GGA1: variants seen among roughly 807,000 people sequenced by gnomAD.
GGA1 encodes ADP-ribosylation factor-binding protein GGA1.
GGA1 carries 18 observed loss-of-function variants against 76.9 expected under a neutral mutation model. The ratio of observed to expected loss-of-function variants is 0.23; its 90% CI spans 0.16 to 0.35. The LOEUF (loss-of-function observed/expected upper bound fraction) is 0.35, where lower values mean the gene tolerates loss of function less well. Among genes scored for constraint, GGA1 ranks in the 10% least tolerant of loss-of-function variants. The probability of loss-of-function intolerance (pLI) is 1.00; values close to 1 mark genes in which losing one functional copy is unlikely to be tolerated. For missense variants in GGA1, 755 were observed against 859.0 expected (o/e 0.88, Z 1.51); for synonymous variants, 342 against 354.7 (o/e 0.96, Z 0.40).
intron 1 of GGA1, among the ~76,000 whole-genome samples, chr22:37,611,626 CAT>C (rs1252677051): frequency 6.6e-6 from 1 of 152,180 alleles, no homozygotes; most frequent in African/African-American, 2.4e-5. Context: ...CCTGCCATAA[CAT>C]ATGGCCCAGG....
chr22:37,627,832 C>T (rs945821054), intron 11 of GGA1, among the ~76,000 whole-genome samples: 1 of 152,224 alleles, frequency 6.6e-6, no homozygotes, highest in Non-Finnish European at 1.5e-5. Flanking sequence ...TGGGGCCACA[C>T]AGGGGGCTGG....
chr22:37,623,259 A>G lies in GGA1; in HGVS notation c.610-68A>G. 1 of 1,435,170 alleles carries G rather than the reference A, an allele frequency of 7.0e-7. No homozygotes were observed. Among genetic ancestry groups the G allele is most frequent in the Non-Finnish European group, 9.8e-7 (1 of 1,018,618 alleles). The allele number at this position is 1,435,170 out of a possible 1,614,324, so 88.9% of individuals were successfully genotyped here. On this transcript the variant is annotated intron_variant, in intron 7 of 16. Coordinates refer to ENST00000343632, the MANE Select transcript of GGA1 (RefSeq NM_013365.5). The surrounding 1 kb of genome is among the most constrained non-coding windows in gnomAD (Gnocchi z 4.6). Reference sequence around the variant, plus strand: ...CCCAGATCCCAGCACACATTCTCTCAAGTGGCAGGGGGCAGTGCCTCGTCC... The same window carrying G: ...CCCAGATCCCAGCACACATTCTCTCGAGTGGCAGGGGGCAGTGCCTCGTCC...
chr22:37,632,440 G>A lies in GGA1; in HGVS notation c.1734G>A (p.Thr578=), dbSNP rs144994476. The change falls in exon 16 of 17, where the codon ACG becomes ACA. Residue 578 remains threonine, a synonymous_variant. Transcript: ENST00000343632. This position sits in a 1 kb window ranked among gnomAD's most constrained non-coding sequence, Gnocchi z 5.1. ...MKVKLQPPSG[T]ELPAFNPIVH... The stretch of plus-strand genomic sequence containing the variant: ...TGAAGCTGCAGCCACCCTCGGGCAC[G>A]GAGCTGCCAGCTTTTAACCCCATCG... 52 of 1,613,646 alleles carry A rather than the reference G, an allele frequency of 3.2e-5. No homozygotes were observed. Among genetic ancestry groups the A allele is most frequent in the South Asian group, 8.8e-5 (8 of 91,086 alleles).
At position 37,626,151 on chromosome 22, in the gene GGA1, G is replaced by T. The variant is rs1220191659; in HGVS notation, c.1093+202G>T. The T allele has an allele frequency of 2.0e-5, 8 of 409,846 alleles. No individual in the cohort carries two copies. In the East Asian group the frequency reaches 2.8e-4, roughly 15 times the overall value. The allele number at this position is 409,846 out of a possible 1,614,324, so 25.4% of individuals were successfully genotyped here. The stretch of plus-strand genomic sequence containing the variant: ...CTTGTGCGAGGCCACACGGCCAGAG[G>T]GTGAGGCTGGCAACCTCTAAGCCGG... On this transcript the variant is annotated intron_variant, in intron 11 of 16. Transcript: ENST00000343632.
chr22:37,631,574 C>T (rs557994044), intron 14 of GGA1, among the ~76,000 whole-genome samples: 3 of 152,324 alleles, frequency 2.0e-5, no homozygotes, highest in Middle Eastern at 3.4e-3. Flanking sequence ...AAAGACACTA[C>T]CCCCACAGTG....
At chr22:37,619,789 C>T (rs750235406) in intron 4 of GGA1, 35 of 778,526 alleles carry the variant, frequency 4.5e-5, no homozygotes, top group Middle Eastern at 2.2e-4. Flanking sequence ...CTCCCATTCT[C>T]CTCCCAACAG....
chr22:37,631,050 C>G lies in GGA1; in HGVS notation c.1479C>G (p.Thr493=), dbSNP rs139491474. Residue 493 remains threonine (T), a synonymous_variant, in exon 14 of 17, where the codon ACC becomes ACG. Coordinates refer to ENST00000343632, the MANE Select transcript of GGA1 (RefSeq NM_013365.5). Reference sequence around the variant, plus strand: ...GGCCTCCGCAGCAGCCCGTACCAACCGAGCTCTCACTGGCCAGCATCACTG... The same window carrying G: ...GGCCTCCGCAGCAGCCCGTACCAACGGAGCTCTCACTGGCCAGCATCACTG... ...PPRPPQQPVP[T]ELSLASITVP... 1.2e-6 allele frequency: 2 copies of G among 1,608,734 alleles called. No individual in the cohort carries two copies. Among genetic ancestry groups the G allele is most frequent in the East Asian group, 2.2e-5 (1 of 44,476 alleles).
intron 4 of GGA1, 44 bp from the exon 5 acceptor site, chr22:37,620,194 T>A: frequency 6.2e-7 from 1 of 1,609,938 alleles, no homozygotes; most frequent in Non-Finnish European, 8.5e-7. Flanking sequence ...CTGAAGTGAG[T>A]GGGGCTGGGC....
intron 6 of GGA1, among the ~76,000 whole-genome samples, chr22:37,621,279 G>A (rs1471440751): frequency 1.3e-5 from 2 of 152,138 alleles, no homozygotes; most frequent in African/African-American, 4.8e-5. Flanking sequence ...AAAGTAAAAG[G>A]TCCCCTCTCC....
At position 37,632,681 on chromosome 22, in the gene GGA1, C is replaced by G. The variant is rs1162192810; in HGVS notation, c.1890C>G (p.Phe630Leu). The change falls in exon 17 of 17, where the codon TTC (phenylalanine) becomes TTG (leucine). Residue 630 changes from phenylalanine to leucine, a missense_variant. By Grantham distance (22) the Phe-to-Leu change is conservative. Coordinates refer to ENST00000343632, the MANE Select transcript of GGA1 (RefSeq NM_013365.5). The surrounding 1 kb of genome is among the most constrained non-coding windows in gnomAD (Gnocchi z 5.1). ...TYNEMGDVDQFPPPETWGSL is the reference protein window; with the variant it reads ...TYNEMGDVDQLPPPETWGSL ...ACGAGATGGGGGATGTGGACCAGTT[C>G]CCCCCACCTGAAACCTGGGGTAGCC... 6.2e-7 allele frequency: 1 copy of G among 1,609,164 alleles called. No individual in the cohort carries two copies. Among genetic ancestry groups the G allele is most frequent in the Non-Finnish European group, 8.5e-7 (1 of 1,176,226 alleles).
intron 11 of GGA1, chr22:37,626,175 G>A (rs1930795712): frequency 1.5e-5 from 6 of 389,930 alleles, no homozygotes; most frequent in African/African-American, 4.1e-5. Context: ...CCTCTAAGCC[G>A]GCCTCGGATA....
Position 37,616,778 on chromosome 22 carries a change from G to A in GGA1, c.129-144G>A, listed in dbSNP as rs564833210. The A allele has an allele frequency of 1.9e-5, 18 of 964,754 alleles. No homozygotes were observed. In the South Asian group the frequency reaches 2.2e-4, roughly 12 times the overall value. The allele number at this position is 964,754 out of a possible 1,614,324, so 59.8% of individuals were successfully genotyped here. A position where few individuals can be genotyped will look rare whatever the true frequency, so the allele number is the denominator to read the frequency against. ...AGAAACCTTAGAGGGCTGAAGTCTC[G>A]GCGGCGGGCTGGGGTGGTGACCCTC... is the stretch of plus-strand genomic sequence containing the variant. On this transcript the variant is annotated intron_variant, in intron 2 of 16. Coordinates refer to ENST00000343632, the MANE Select transcript of GGA1 (RefSeq NM_013365.5).
chr22:37,629,863 G>A, intron 12 of GGA1, 135 bp from the exon 13 acceptor site: 1 of 664,790 alleles, frequency 1.5e-6, no homozygotes, highest in South Asian at 1.9e-5. Flanking sequence ...GGACATGGGT[G>A]GTCTGGGGTC....
chr22:37,610,898 G>A (rs1247749853), intron 1 of GGA1, among the ~76,000 whole-genome samples: 3 of 152,238 alleles, frequency 2.0e-5, no homozygotes, highest in Admixed American at 1.3e-4. Context: ...TGGAGGCCCT[G>A]GCTTTCAGCC....
At chr22:37,621,739 G>A (rs1387279069) in intron 7 of GGA1, 43 bp downstream of exon 7, 3 of 1,332,984 alleles carry the variant, frequency 2.3e-6, no homozygotes, top group Non-Finnish European at 3.2e-6. Flanking sequence ...CGGGATGGGG[G>A]TATTGAGCTG....
At chr22:37,612,798 A>G in intron 1 of GGA1, 1 of 498,152 alleles carries the variant, frequency 2.0e-6, no homozygotes, top group Non-Finnish European at 2.6e-6. Context: ...TCCATATTTC[A>G]TTCCAGCTTT....
Position 37,623,327 on chromosome 22 carries a change from G to A in GGA1, c.610G>A (p.Asp204Asn), listed in dbSNP as rs1930220570. The stretch of plus-strand genomic sequence containing the variant: ...GGGCCCTTGGCCAATGTGTCCCCAG[G>A]ACCAGAAGCGGATGGAGAAGATCTC... The part of the protein sequence containing the change: ...NKLIKEMVQE[D>N]QKRMEKISKR... Residue 204 changes from aspartate (D) to asparagine (N), a missense_variant and splice_region_variant, in exon 8 of 17, where the codon GAC (aspartate) becomes AAC (asparagine). Asp to Asn is a conservative substitution (Grantham distance 23). Coordinates refer to ENST00000343632, the MANE Select transcript of GGA1 (RefSeq NM_013365.5). The surrounding 1 kb of genome is among the most constrained non-coding windows in gnomAD (Gnocchi z 4.6). 6.2e-7 allele frequency: 1 copy of A among 1,614,046 alleles called. No individual in the cohort carries two copies. Among genetic ancestry groups the A allele is most frequent in the South Asian group, 1.1e-5 (1 of 91,062 alleles).
At chr22:37,619,361 G>A (rs1929429410) in intron 4 of GGA1, among the ~76,000 whole-genome samples, 1 of 150,350 alleles carries the variant, frequency 6.7e-6, no homozygotes, top group Non-Finnish European at 1.5e-5. Flanking sequence ...CACCATGCCC[G>A]GCCTACCTAC....
At chr22:37,611,961 GACCA>G (rs993716903) in intron 1 of GGA1, among the ~76,000 whole-genome samples, 4 of 152,020 alleles carry the variant, frequency 2.6e-5, no homozygotes, top group African/African-American at 9.7e-5. Context: ...AGACCAGCCT[GACCA>G]ACATGGTGAA....
Sources: gnomAD v4.1 joint callset for allele counts (sites outside exome capture counted in the v4.1 genomes callset) on GRCh38, gnomAD v4.1.1 for gene constraint, Gnocchi (gnomAD v3.1) non-coding constraint, MANE v1.5 for transcripts, NCBI Gene and HGNC (gene_info 2026-07-23, HGNC 2026-07-21) for gene names.